GPSM1: variants seen among roughly 807,000 people sequenced by gnomAD.
GPSM1 encodes G protein signaling modulator 1.
In GPSM1, 48 loss-of-function variants were observed where a neutral mutation model predicts 70.5. That is an observed-to-expected ratio of 0.68 (90% CI 0.54 to 0.87). GPSM1 has a LOEUF of 0.87. GPSM1 is among the 40% of genes least tolerant of loss of function. The pLI is 0.00. For missense variants in GPSM1, 981 were observed against 972.6 expected, an observed-to-expected ratio of 1.01 and a Z score of -0.11; for synonymous variants, 416 against 430.1, an observed-to-expected ratio of 0.97 and a Z score of 0.41.
At chr9:136,345,265 A>G (rs1044324815) in intron 9 of GPSM1, among the ~76,000 whole-genome samples, 1 of 152,230 alleles carries the variant, frequency 6.6e-6, no homozygotes, top group Admixed American at 6.5e-5. Context: ...TGTGACGGTC[A>G]GCGTCGGGTG....
At position 136,349,658 on chromosome 9, in the gene GPSM1, G is replaced by A. The variant is rs2131409369; in HGVS notation, c.1350G>A (p.Val450=). The change falls in exon 11 of 14, where the codon GTG becomes GTA. Residue 450 remains valine (V), a synonymous_variant. Coordinates refer to ENST00000440944, the MANE Select transcript of GPSM1 (RefSeq NM_001145638.3). The stretch of plus-strand genomic sequence containing the variant: ...GCAGGGACTCGCTACCCCTCCCCGT[G>A]AGGAGCAGGAAGTACCAGGAAGGCC... ...GPSRDSLPLP[V]RSRKYQEGPD... 6.4e-7 allele frequency: 1 copy of A among 1,551,392 alleles called. No individual in the cohort carries two copies. Among genetic ancestry groups the A allele is most frequent in the Non-Finnish European group, 8.7e-7 (1 of 1,147,360 alleles).
rs573816807 is a variant in GPSM1, at chr9:136,357,903, G to T, written c.1822-111G>T. ...CCAGAACCAATTTCCTGGGTGGACA[G>T]GGGGAAGCCCGTGAACAGTGCACGC... On this transcript the variant is annotated intron_variant, in intron 13 of 13. Transcript: ENST00000440944. The T allele has an allele frequency of 5.1e-6, 4 of 789,220 alleles. No homozygotes were observed. In the African/African-American group the frequency reaches 5.4e-5, roughly 11 times the overall value. The allele number at this position is 789,220 out of a possible 1,614,324, so 48.9% of individuals were successfully genotyped here. A position where few individuals can be genotyped will look rare whatever the true frequency, so the allele number is the denominator to read the frequency against.
chr9:136,337,220 A>G, intron 4 of GPSM1, 148 bp downstream of exon 4: 1 of 1,043,352 alleles, frequency 9.6e-7, no homozygotes. Flanking sequence ...CCGCTTTCTC[A>G]GCTGCTGGCT....
intron 11 of GPSM1, 166 bp from the exon 12 acceptor site, chr9:136,355,524 G>A (rs1832789557): frequency 1.9e-6 from 1 of 534,278 alleles, no homozygotes. Context: ...CGGGTGCCGA[G>A]GGTGGGTGAC....
At chr9:136,353,151 T>C in intron 11 of GPSM1, 1 of 979,158 alleles carries the variant, frequency 1.0e-6, no homozygotes, top group Non-Finnish European at 1.2e-6. Flanking sequence ...CAGCCTGTGA[T>C]CCGCGTGAGT....
chr9:136,356,547 C>T lies in GPSM1; in HGVS notation c.1818C>T (p.Tyr606=), dbSNP rs1554773225. 6.2e-7 allele frequency: 1 copy of T among 1,609,186 alleles called. No individual in the cohort carries two copies. ...GDDFFNMLIK[Y]QSSRIDDQRC... is the part of the protein sequence containing the mutation. ...ACTTCTTCAACATGCTCATCAAGTA[C>T]CAGGTGGGCTGCGGCCCTGGGCGGG... The change falls in exon 13 of 14, where the codon TAC becomes TAT. Residue 606 remains tyrosine, a synonymous_variant. Transcript: ENST00000440944.
At chr9:136,338,490 T>C (rs1165496776) in intron 6 of GPSM1, 65 bp from the exon 7 acceptor site, 3 of 1,498,508 alleles carry the variant, frequency 2.0e-6, no homozygotes, top group Non-Finnish European at 2.7e-6. Flanking sequence ...TGCGTCCCCA[T>C]TCTTACCTTC....
At chr9:136,357,975 TG>T (rs781877009) in intron 13 of GPSM1, 38 bp from the exon 14 acceptor site, 58 of 1,538,946 alleles carry the variant, frequency 3.8e-5, no homozygotes, top group East Asian at 2.3e-4. Flanking sequence ...CCACTGGGGC[TG>T]GGGGGGTGAG....
Position 136,328,153 on chromosome 9 carries a change from C to CA in GPSM1, c.68+391dup, listed in dbSNP as rs1273019986. The stretch of plus-strand genomic sequence containing the variant: ...CTGCTCTGGATGGGGCTCTGCCCCT[C>CA]ACCAGCCCTCCACGAGCCCAGTGGG... On this transcript the variant is annotated intron_variant, in intron 1 of 13. Transcript: ENST00000440944. Among the ~76,000 whole-genome samples, 14 of 152,338 alleles carry CA rather than the reference C, an allele frequency of 9.2e-5. No individual in the cohort carries two copies. In the East Asian group the frequency reaches 2.5e-3, roughly 27 times the overall value.
Position 136,337,939 on chromosome 9 carries a change from G to A in GPSM1, c.796G>A (p.Asp266Asn). 1.2e-6 allele frequency: 2 copies of A among 1,611,322 alleles called. No individual in the cohort carries two copies. The highest frequency in any genetic ancestry group is 3.3e-4 in the Middle Eastern group (2 of 6,060). The change falls in exon 6 of 14, where the codon GAC becomes AAC. Residue 266 changes from aspartate (D) to asparagine (N), a missense_variant. Physicochemically the swap from Asp to Asn is conservative, Grantham distance 23. Transcript: ENST00000440944. ...CGCCCACGTCTTCCTGGGGCGCTTT[G>A]ACGTGGCCGCCGAGTACTACAAGTA... ...GNAHVFLGRF[D>N]VAAEYYKKTL...
rs369862356 is a variant in GPSM1, at chr9:136,349,557, C to T, written c.1279-30C>T. On this transcript the variant is annotated intron_variant, in intron 10 of 13. Coordinates refer to ENST00000440944, the MANE Select transcript of GPSM1 (RefSeq NM_001145638.3). ...ATGGGGACATTGGTTCACAATTGCCCAGGCCACGCACAGCCTTACCCCTCC... is the reference window on the plus strand; with the variant it reads ...ATGGGGACATTGGTTCACAATTGCCTAGGCCACGCACAGCCTTACCCCTCC... The T allele has an allele frequency of 6.4e-5, 98 of 1,538,946 alleles. No homozygotes were observed. In the African/African-American group the frequency reaches 1.2e-3, roughly 19 times the overall value.
Position 136,349,721 on chromosome 9 carries a change from C to A in GPSM1, c.1413C>A (p.Ser471=). The change falls in exon 11 of 14, where the codon TCC becomes TCA. Residue 471 remains serine (S), a synonymous_variant. Transcript: ENST00000440944. The part of the protein sequence containing the change: ...AERRPREGSH[S]PLDSADVRVH... The stretch of plus-strand genomic sequence containing the variant: ...GGAGGCCCCGGGAGGGCAGCCACTC[C>A]CCGCTGGACAGCGCCGACGTCCGGG... 6.3e-7 allele frequency: 1 copy of A among 1,577,096 alleles called. No homozygotes were observed. Among genetic ancestry groups the A allele is most frequent in the Non-Finnish European group, 8.6e-7 (1 of 1,162,572 alleles).
intron 1 of GPSM1, among the ~76,000 whole-genome samples, chr9:136,333,291 C>T (rs1347249344): frequency 6.6e-6 from 1 of 152,336 alleles, no homozygotes; most frequent in East Asian, 1.9e-4. Flanking sequence ...GTGTCCTCCC[C>T]CCGCGACCCT....
Position 136,334,597 on chromosome 9 carries a change from C to A in GPSM1, c.219C>A (p.Gly73=). 5 of 1,613,314 alleles carry A rather than the reference C, an allele frequency of 3.1e-6. No homozygotes were observed. Among genetic ancestry groups the A allele is most frequent in the Non-Finnish European group, 4.2e-6 (5 of 1,179,984 alleles). ...KTLSAIYSQL[G]NAYFYLKEHG... ...TGAGTGCCATCTACAGCCAGCTGGGCAACGCCTACTTCTACCTGAAGGAGC... is the reference window on the plus strand; with the variant it reads ...TGAGTGCCATCTACAGCCAGCTGGGAAACGCCTACTTCTACCTGAAGGAGC... The change falls in exon 2 of 14, where the codon GGC becomes GGA. Residue 73 remains glycine, a synonymous_variant. Coordinates refer to ENST00000440944, the MANE Select transcript of GPSM1 (RefSeq NM_001145638.3).
chr9:136,348,480 G>A (rs1216469212), intron 9 of GPSM1, among the ~76,000 whole-genome samples: 2 of 152,200 alleles, frequency 1.3e-5, no homozygotes, highest in East Asian at 3.9e-4. Flanking sequence ...GCCCCAGCCA[G>A]GACGCGCTCT....
chr9:136,333,421 C>T (rs1832150010), intron 1 of GPSM1, among the ~76,000 whole-genome samples: 1 of 151,750 alleles, frequency 6.6e-6, no homozygotes, highest in East Asian at 2.1e-4. Context: ...ACGGAGTGAC[C>T]CCACACTCCT....
chr9:136,358,392 C>A lies in GPSM1; in HGVS notation c.*172C>A. ...GGCCAAGCTGCCCGTGGTGGGAGGG[C>A]GTGCTTCCATCCCGGGCTGGCCCCC... On this transcript the variant is annotated 3_prime_UTR_variant, in exon 14 of 14. Transcript: ENST00000440944. 1 of 645,044 alleles carries A rather than the reference C, an allele frequency of 1.6e-6. No homozygotes were observed. Among genetic ancestry groups the A allele is most frequent in the East Asian group, 3.0e-5 (1 of 33,384 alleles). 40.0% of individuals were successfully genotyped at this position (645,044 alleles called of 1,614,324 possible).
In GPSM1 at chr9:136,340,267, G is replaced by C. The variant is rs1482964742; in HGVS notation, c.1083+452G>C. 2.0e-5 allele frequency among the ~76,000 whole-genome samples: 3 copies of C among 152,176 alleles called. No homozygotes were observed. The highest frequency in any genetic ancestry group is 4.4e-5 in the Non-Finnish European group (3 of 68,030). Reference sequence around the variant, plus strand: ...CATAGACCCATGTAGGAGGTGGCCGGGTGGGGAGGCCTGCAGGTGCCCAGG... The same window carrying C: ...CATAGACCCATGTAGGAGGTGGCCGCGTGGGGAGGCCTGCAGGTGCCCAGG... On this transcript the variant is annotated intron_variant, in intron 8 of 13. Coordinates refer to ENST00000440944, the MANE Select transcript of GPSM1 (RefSeq NM_001145638.3). The surrounding 1 kb of genome is among the most constrained non-coding windows in gnomAD (Gnocchi z 7.3).
intron 1 of GPSM1, among the ~76,000 whole-genome samples, chr9:136,331,589 C>T (rs1832101790): frequency 6.6e-6 from 1 of 152,210 alleles, no homozygotes; most frequent in South Asian, 2.1e-4. Flanking sequence ...GACGCCATTC[C>T]TCTTTCCATT....
Sources: allele counts gnomAD v4.1 joint callset (sites outside exome capture counted in the v4.1 genomes callset), GRCh38; gene constraint gnomAD v4.1.1; non-coding constraint Gnocchi (gnomAD v3.1); transcripts MANE v1.5; gene names NCBI Gene and HGNC (gene_info 2026-07-23, HGNC 2026-07-21).